ZNF423: variants seen among roughly 807,000 people sequenced by gnomAD.
ZNF423 encodes the protein Ebf-associated zinc finger protein.
Under a neutral mutation model 95.8 loss-of-function variants are expected in ZNF423, and 12 were observed. The observed-to-expected ratio is 0.13, with a 90% CI of 0.08 to 0.20. The LOEUF (loss-of-function observed/expected upper bound fraction) is 0.20, where lower values mean the gene tolerates loss of function less well. Ranked by LOEUF, ZNF423 falls within the 10% of genes least tolerant of loss-of-function variation. The pLI is 1.00. For synonymous variants in ZNF423, 749 were observed against 711.9 expected (o/e 1.05, Z -0.83); for missense variants, 1,316 against 1,737.1 (o/e 0.76, Z 4.31).
chr16:49,504,040 T>C (rs1428710868), intron 7 of ZNF423, among the ~76,000 whole-genome samples: 1 of 152,146 alleles, frequency 6.6e-6, no homozygotes, highest in Non-Finnish European at 1.5e-5. Flanking sequence ...ACGAGGTGCC[T>C]AAAACAGCCA....
intron 2 of ZNF423, chr16:49,731,505 C>T (rs1466614769): frequency 8.3e-6 from 3 of 362,702 alleles, no homozygotes; most frequent in African/African-American, 2.2e-5. Context: ...CATGGATGGT[C>T]GAATCTCAAG....
chr16:49,714,481 A>T (rs533002991), intron 3 of ZNF423, among the ~76,000 whole-genome samples: 1 of 151,784 alleles, frequency 6.6e-6, no homozygotes, highest in Admixed American at 6.6e-5. Flanking sequence ...ACATGGCAAA[A>T]CCCCATCTCT....
At chr16:49,689,042 G>A (rs1262636412) in intron 3 of ZNF423, among the ~76,000 whole-genome samples, 2 of 152,170 alleles carry the variant, frequency 1.3e-5, no homozygotes, top group Non-Finnish European at 2.9e-5. Context: ...CAGCCACACA[G>A]GTGAGGATTT....
rs1567321248 is a variant in ZNF423 at position 49,739,695 on chromosome 16, G to GTTT, written c.101-8725_101-8724insAAA. ...CACGTTTGTTTTTTTGTTTTTGTTT[G>GTTT]GTTTTTTTTTTTTTTTTTTTGGAGA... On this transcript the variant is annotated intron_variant, in intron 2 of 7. Transcript: ENST00000563137. Among the ~76,000 whole-genome samples, 2 of 132,732 alleles carry GTTT rather than the reference G, an allele frequency of 1.5e-5. 1 individual carries two copies. Among genetic ancestry groups the GTTT allele is most frequent in the Non-Finnish European group, 3.2e-5 (2 of 63,136 alleles). The allele number at this position is 132,732 out of a possible 152,430, so 87.1% of individuals were successfully genotyped here.
chr16:49,655,653 G>A (rs73569232), intron 3 of ZNF423, among the ~76,000 whole-genome samples: 5,159 of 152,270 alleles, frequency 0.034, 273 homozygotes, highest in African/African-American at 0.12. Flanking sequence ...GTCCAACCCA[G>A]CCAGCTTTTC....
chr16:49,832,855 T>C (rs531161799), intron 1 of ZNF423, among the ~76,000 whole-genome samples: 1 of 151,670 alleles, frequency 6.6e-6, no homozygotes, highest in Non-Finnish European at 1.5e-5. Flanking sequence ...AACGGGGACC[T>C]TGAAGTCCCA....
At chr16:49,497,468 C>A (rs1053119719) in intron 7 of ZNF423, among the ~76,000 whole-genome samples, 1 of 152,186 alleles carries the variant, frequency 6.6e-6, no homozygotes, top group Non-Finnish European at 1.5e-5. Context: ...GTGGTTCTGG[C>A]CCTTGAGTCT....
At chr16:49,822,886 C>T in intron 1 of ZNF423, 1 of 556,626 alleles carries the variant, frequency 1.8e-6, no homozygotes, top group Non-Finnish European at 3.1e-6. Context: ...TCTACGCAGC[C>T]AGGATTTAAC....
chr16:49,531,983 GA>G (rs1390339956), intron 5 of ZNF423, among the ~76,000 whole-genome samples: 1 of 152,192 alleles, frequency 6.6e-6, no homozygotes, highest in Non-Finnish European at 1.5e-5. Flanking sequence ...CACTGAGCGC[GA>G]TACAAGGGGC....
chr16:49,654,452 T>C (rs1411877197), intron 3 of ZNF423, among the ~76,000 whole-genome samples: 1 of 152,190 alleles, frequency 6.6e-6, no homozygotes, highest in Non-Finnish European at 1.5e-5. Context: ...GGCAGGGGCA[T>C]GGACAAGGAG....
chr16:49,615,165 C>CAT (rs1555512465), intron 5 of ZNF423, among the ~76,000 whole-genome samples: 2 of 151,360 alleles, frequency 1.3e-5, no homozygotes, highest in Non-Finnish European at 2.9e-5. Context: ...CACACACACA[C>CAT]GGGGCAGGGG....
In ZNF423 at chr16:49,487,613, G is replaced by C; in HGVS notation, c.*3662C>G. On this transcript the variant is annotated 3_prime_UTR_variant, in exon 8 of 8. Coordinates refer to ENST00000563137, the MANE Select transcript of ZNF423 (RefSeq NM_001379286.1). Reference sequence around the variant, plus strand: ...CAATGGAGTCAGACACCCCAGGCTGGAAGGTGAGGCACCCAAGTTATAGTC... The same window carrying C: ...CAATGGAGTCAGACACCCCAGGCTGCAAGGTGAGGCACCCAAGTTATAGTC... 1 of 152,200 alleles carries C rather than the reference G, an allele frequency of 6.6e-6. No homozygotes were observed. Among genetic ancestry groups the C allele is most frequent in the East Asian group, 1.9e-4 (1 of 5,196 alleles). 9.4% of individuals were successfully genotyped at this position (152,200 alleles called of 1,614,324 possible). A position where few individuals can be genotyped will look rare whatever the true frequency, so the allele number is the denominator to read the frequency against.
chr16:49,557,786 G>A (rs755702575), intron 5 of ZNF423, among the ~76,000 whole-genome samples: 3 of 152,186 alleles, frequency 2.0e-5, no homozygotes, highest in Non-Finnish European at 4.4e-5. Context: ...GAGCACGCAG[G>A]AGGCCCAGGA....
chr16:49,725,047 G>A (rs578003342), intron 3 of ZNF423, among the ~76,000 whole-genome samples: 7 of 152,222 alleles, frequency 4.6e-5, no homozygotes, highest in South Asian at 2.1e-4. Flanking sequence ...TTACTGACAC[G>A]ATCTGTAACC....
At chr16:49,712,415 TAGAA>T (rs1309651152) in intron 3 of ZNF423, among the ~76,000 whole-genome samples, 7 of 152,060 alleles carry the variant, frequency 4.6e-5, no homozygotes, top group East Asian at 1.9e-4. Flanking sequence ...AAAGAAACAA[TAGAA>T]AGAGAATTTG....
At chr16:49,858,946 G>C (rs1299119382), upstream of ZNF423, among the ~76,000 whole-genome samples, 1 of 152,192 alleles carries the variant, frequency 6.6e-6, no homozygotes, top group African/African-American at 2.4e-5. This position sits in a 1 kb window ranked among gnomAD's most constrained non-coding sequence, Gnocchi z 4.3. Flanking sequence ...GATTGGCCTC[G>C]GCTCTGGGGT....
intron 1 of ZNF423, among the ~76,000 whole-genome samples, chr16:49,803,627 T>C (rs1364772732): frequency 6.6e-6 from 1 of 152,158 alleles, no homozygotes; most frequent in African/African-American, 2.4e-5. Flanking sequence ...GGTTTTGACC[T>C]TCAACCACTA....
At chr16:49,824,878 C>T (rs1175097768) in intron 1 of ZNF423, among the ~76,000 whole-genome samples, 1 of 152,198 alleles carries the variant, frequency 6.6e-6, no homozygotes, top group Non-Finnish European at 1.5e-5. Context: ...CTCCACCCAC[C>T]AGCAGCTGCC....
intron 2 of ZNF423, among the ~76,000 whole-genome samples, chr16:49,738,681 G>T (rs928493999): frequency 2.0e-4 from 31 of 152,078 alleles, no homozygotes; most frequent in African/African-American, 6.5e-4. Flanking sequence ...GTGGAGCGGA[G>T]AAAGTGAGAG....
Sources: allele counts gnomAD v4.1 joint callset (sites outside exome capture counted in the v4.1 genomes callset), GRCh38; gene constraint gnomAD v4.1.1; non-coding constraint Gnocchi (gnomAD v3.1); transcripts MANE v1.5; gene names NCBI Gene and HGNC (gene_info 2026-07-23, HGNC 2026-07-21).